SLC12A9: variants seen among roughly 807,000 people sequenced by gnomAD.
The protein encoded by SLC12A9 is solute carrier family 12 member 9.
Under a neutral mutation model 66.0 loss-of-function variants are expected in SLC12A9, and 55 were observed. That is an observed-to-expected ratio of 0.83 (90% confidence interval 0.67 to 1.04). SLC12A9 has a LOEUF of 1.04. SLC12A9 is among the 50% of genes least tolerant of loss of function. The pLI, the probability that SLC12A9 is intolerant of heterozygous loss-of-function variation, is 0.00. For synonymous variants in SLC12A9, 577 were observed against 569.0 expected, an observed-to-expected ratio of 1.01 and a Z score of -0.20; for missense variants, 1,061 against 1,241.9, an observed-to-expected ratio of 0.85 and a Z score of 2.19.
chr7:100,854,827 C>A, intron 3 of SLC12A9, 73 bp downstream of exon 3: 1 of 1,569,272 alleles, frequency 6.4e-7, no homozygotes, highest in South Asian at 1.1e-5. Context: ...GGGGCCATTA[C>A]CTTTGTTGGC....
intron 1 of SLC12A9, among the ~76,000 whole-genome samples, chr7:100,828,027 A>G (rs910313772): frequency 1.3e-5 from 2 of 152,188 alleles, no homozygotes; most frequent in African/African-American, 4.8e-5. Context: ...AGGAAGGAAA[A>G]GGGAGTAGAA....
At chr7:100,859,297 A>C (rs1226117940) in intron 7 of SLC12A9, 136 bp downstream of exon 7, 1 of 778,494 alleles carries the variant, frequency 1.3e-6, no homozygotes. Flanking sequence ...GCGATTGACA[A>C]CCTATAGCCA....
At chr7:100,834,678 A>G (rs919583543) in intron 1 of SLC12A9, among the ~76,000 whole-genome samples, 1 of 151,988 alleles carries the variant, frequency 6.6e-6, no homozygotes, top group African/African-American at 2.4e-5. Flanking sequence ...GACCAGGAGT[A>G]CAAGACCAGC....
At chr7:100,854,780 G>A in intron 3 of SLC12A9, 26 bp downstream of exon 3, 1 of 1,613,068 alleles carries the variant, frequency 6.2e-7, no homozygotes, top group Non-Finnish European at 8.5e-7. Context: ...GATGGACTGG[G>A]GTCTGGCCTG....
Position 100,855,809 on chromosome 7 carries a change from G to A in SLC12A9, c.420G>A (p.Val140=). 1 of 1,612,840 alleles carries A rather than the reference G, an allele frequency of 6.2e-7. No homozygotes were observed. The highest frequency in any genetic ancestry group is 8.5e-7 in the Non-Finnish European group (1 of 1,179,312). The part of the protein sequence containing the change: ...CGCAVSLLGL[V]ESVLDVFGAD... ...GTGCCGTCTCCCTCCTGGGGCTGGT[G>A]GAGTCTGTGCTTGATGTCTTCGGGG... The change falls in exon 4 of 14, where the codon GTG becomes GTA. Residue 140 remains valine (V), a synonymous_variant. Coordinates refer to ENST00000354161, the MANE Select transcript of SLC12A9 (RefSeq NM_020246.4).
intron 5 of SLC12A9, chr7:100,857,534 G>A (rs78983188): frequency 0.017 from 4,052 of 234,302 alleles, 165 homozygotes; most frequent in African/African-American, 0.085. Context: ...GGCAGGAGCC[G>A]GGGAGCTGGA....
In SLC12A9 at chr7:100,865,962, G is replaced by T. The variant is rs756179170; in HGVS notation, c.2102G>T (p.Arg701Leu). The change falls in exon 14 of 14, where the codon CGG becomes CTG. Residue 701 changes from arginine (R) to leucine (L), a missense_variant. Coordinates refer to ENST00000354161, the MANE Select transcript of SLC12A9 (RefSeq NM_020246.4). ...LKMNKNVVLA[R>L]ASGALPPERL... Reference sequence around the variant, plus strand: ...ATGAACAAGAATGTGGTGCTGGCCCGGGCCAGCGGGGCCTTGCCCCCTGAG... The same window carrying T: ...ATGAACAAGAATGTGGTGCTGGCCCTGGCCAGCGGGGCCTTGCCCCCTGAG... 1.2e-6 allele frequency: 2 copies of T among 1,613,026 alleles called. No individual in the cohort carries two copies. The highest frequency in any genetic ancestry group is 2.2e-5 in the East Asian group (1 of 44,860).
intron 1 of SLC12A9, among the ~76,000 whole-genome samples, chr7:100,827,785 C>G (rs113496216): frequency 0.029 from 4,348 of 152,260 alleles, 189 homozygotes; most frequent in African/African-American, 0.098. Flanking sequence ...TGTCCAGGAC[C>G]GAGCATGTCG....
chr7:100,844,732 G>GA (rs1026186046), intron 1 of SLC12A9, among the ~76,000 whole-genome samples: 82 of 152,194 alleles, frequency 5.4e-4, no homozygotes, highest in African/African-American at 1.8e-3. Context: ...ATCCTCGCTA[G>GA]AAAAAAGAGG....
At chr7:100,839,903 C>T (rs1813747761) in intron 1 of SLC12A9, among the ~76,000 whole-genome samples, 1 of 148,004 alleles carries the variant, frequency 6.8e-6, no homozygotes, top group South Asian at 2.2e-4. Flanking sequence ...ATTAGCTGGG[C>T]GTGGTGGTGG....
At position 100,861,605 on chromosome 7, in the gene SLC12A9, G is replaced by A. The variant is rs192989287; in HGVS notation, c.1536+21G>A. The stretch of plus-strand genomic sequence containing the variant: ...ACCAGGTATGGGGAGCTGGTGGGGC[G>A]GTGGGGAAATGGGAGGTGGTCAAAG... On this transcript the variant is annotated intron_variant, in intron 11 of 13. Transcript: ENST00000354161. The surrounding 1 kb of genome is among the most constrained non-coding windows in gnomAD (Gnocchi z 5.3). The A allele has an allele frequency of 3.7e-4, 596 of 1,610,112 alleles. 1 individual carries two copies. Among genetic ancestry groups the A allele is most frequent in the Admixed American group, 1.3e-3 (76 of 59,942 alleles).
upstream of SLC12A9, among the ~76,000 whole-genome samples, chr7:100,847,985 C>T (rs760731323): frequency 7.0e-6 from 1 of 142,724 alleles, no homozygotes; most frequent in Admixed American, 7.7e-5. Flanking sequence ...ACTTGAGAGG[C>T]GGAGGCAGGA....
chr7:100,840,032 T>C (rs1315086800), intron 1 of SLC12A9, among the ~76,000 whole-genome samples: 4 of 152,170 alleles, frequency 2.6e-5, no homozygotes, highest in African/African-American at 9.7e-5. Context: ...GTACCGGCAC[T>C]TTAGTTTTTG....
upstream of SLC12A9, among the ~76,000 whole-genome samples, chr7:100,852,122 A>G (rs79909048): frequency 0.012 from 1,873 of 152,292 alleles, 21 homozygotes; most frequent in African/African-American, 0.04. Flanking sequence ...TTCTGCTGGA[A>G]GTGAGAACAC....
chr7:100,863,066 T>TC (rs1168281003), intron 13 of SLC12A9, among the ~76,000 whole-genome samples: 5 of 149,282 alleles, frequency 3.3e-5, no homozygotes, highest in Middle Eastern at 3.2e-3. Context: ...CTTCTTCTTT[T>TC]TTTTTTTTTT....
chr7:100,828,288 C>G (rs1259886381), intron 1 of SLC12A9, among the ~76,000 whole-genome samples: 1 of 151,564 alleles, frequency 6.6e-6, no homozygotes, highest in African/African-American at 2.4e-5. Context: ...CCTGTAGTCC[C>G]AGCATTTTGG....
chr7:100,827,123 T>A, intron 1 of SLC12A9: 1 of 1,385,618 alleles, frequency 7.2e-7, no homozygotes, highest in Non-Finnish European at 9.8e-7. Context: ...ACGCCGATAC[T>A]CCGCGCGGGA....
At chr7:100,862,628 G>A in intron 12 of SLC12A9, 53 bp from the exon 13 acceptor site, 14 of 1,604,466 alleles carry the variant, frequency 8.7e-6, no homozygotes, top group Non-Finnish European at 1.2e-5. Context: ...GACTCTAGGA[G>A]ACATTGAGTT....
chr7:100,860,947 CT>C (rs34600714), intron 9 of SLC12A9, 190 bp from the exon 10 acceptor site: 1 of 1,023,690 alleles, frequency 9.8e-7, no homozygotes, highest in Admixed American at 2.0e-5. Flanking sequence ...TGCACTGGCA[CT>C]TTTGGGGTTT....
Sources: allele counts gnomAD v4.1 joint callset (sites outside exome capture counted in the v4.1 genomes callset), GRCh38; gene constraint gnomAD v4.1.1; non-coding constraint Gnocchi (gnomAD v3.1); transcripts MANE v1.5; gene names NCBI Gene and HGNC (gene_info 2026-07-23, HGNC 2026-07-21).